Variants in SRPK1 observed in about 807,000 individuals in gnomAD.
The protein encoded by SRPK1 is SRSF protein kinase 1, also known as SFRS protein kinase 1.
A neutral mutation model predicts 89.5 loss-of-function variants in SRPK1; 52 were observed. The observed-to-expected ratio is 0.58, with a 90% CI of 0.46 to 0.73. The LOEUF (loss-of-function observed/expected upper bound fraction) is 0.73, where lower values mean the gene tolerates loss of function less well. SRPK1 is among the 30% of genes least tolerant of loss of function. The pLI, the probability that SRPK1 is intolerant of heterozygous loss-of-function variation, is 0.00. For synonymous variants in SRPK1, 255 were observed against 270.2 expected (o/e 0.94, Z 0.55); for missense variants, 603 against 780.6 (o/e 0.77, Z 2.71).
In SRPK1 at chr6:35,872,725, A is replaced by G; in HGVS notation, c.589T>C (p.Leu197=). Residue 197 remains leucine (L), a synonymous_variant, in exon 8 of 16, where the codon TTA becomes CTA. Coordinates refer to ENST00000373825, the MANE Select transcript of SRPK1 (RefSeq NM_003137.5). ...GTATGTAAATAATCAAGACCCTGTA[A>G]CACCTGAATGGAAATAGAGTGGCAG... ...PCVKKIIQQV[L]QGLDYLHTKC... 6.2e-7 allele frequency: 1 copy of G among 1,601,492 alleles called. No individual in the cohort carries two copies. Among genetic ancestry groups the G allele is most frequent in the South Asian group, 1.1e-5 (1 of 87,516 alleles).
At chr6:35,864,701 A>G (rs1213120599) in intron 12 of SRPK1, among the ~76,000 whole-genome samples, 1 of 152,204 alleles carries the variant, frequency 6.6e-6, no homozygotes, top group Non-Finnish European at 1.5e-5. Flanking sequence ...ATATAATCAA[A>G]CGAAAGGAAA....
chr6:35,918,379 T>C (rs1771159405), intron 2 of SRPK1, among the ~76,000 whole-genome samples: 1 of 151,952 alleles, frequency 6.6e-6, no homozygotes, highest in Non-Finnish European at 1.5e-5. Flanking sequence ...CACACGCCTG[T>C]AGTCCCAGCT....
chr6:35,856,740 G>A (rs1769674699), intron 13 of SRPK1, among the ~76,000 whole-genome samples: 1 of 152,178 alleles, frequency 6.6e-6, no homozygotes, highest in Non-Finnish European at 1.5e-5. Flanking sequence ...CCAACATGAG[G>A]ATATTAGTAG....
At chr6:35,885,763 T>A (rs773828545) in intron 6 of SRPK1, among the ~76,000 whole-genome samples, 10 of 152,226 alleles carry the variant, frequency 6.6e-5, no homozygotes, top group Non-Finnish European at 1.5e-4. Flanking sequence ...CTGATTGACC[T>A]TTATAAGCAC....
At chr6:35,893,471 C>A (rs994922282) in intron 2 of SRPK1, among the ~76,000 whole-genome samples, 1 of 140,918 alleles carries the variant, frequency 7.1e-6, no homozygotes, top group Non-Finnish European at 1.5e-5. Context: ...GGCGACAGAG[C>A]AAGACCTTGT....
chr6:35,881,014 T>C (rs905925085), intron 6 of SRPK1, among the ~76,000 whole-genome samples: 2 of 151,910 alleles, frequency 1.3e-5, no homozygotes, highest in Non-Finnish European at 2.9e-5. Flanking sequence ...ATCAAAAATT[T>C]TTGGAGGCCA....
intron 2 of SRPK1, among the ~76,000 whole-genome samples, chr6:35,905,285 C>T (rs1770828091): frequency 6.6e-6 from 1 of 152,140 alleles, no homozygotes; most frequent in Non-Finnish European, 1.5e-5. Flanking sequence ...GTAACAGGAG[C>T]TAAGAAACCT....
At chr6:35,843,695 C>T (rs1478337347) in intron 13 of SRPK1, among the ~76,000 whole-genome samples, 2 of 151,146 alleles carry the variant, frequency 1.3e-5, no homozygotes, top group African/African-American at 2.4e-5. Flanking sequence ...ATGATCCACC[C>T]GCCTCTGCCT....
At chr6:35,920,299 C>A in intron 2 of SRPK1, 169 bp downstream of exon 2, 1 of 728,284 alleles carries the variant, frequency 1.4e-6, no homozygotes, top group South Asian at 1.5e-5. Flanking sequence ...TGAGCAACAG[C>A]AGCTCTCTTC....
chr6:35,888,779 T>C lies in SRPK1; in HGVS notation c.302+36A>G, dbSNP rs1561987670. ...CTCAGACAAACACATTTAGACATCA[T>C]CTAACTAATTCTTTTACAGAACCAC... On this transcript the variant is annotated intron_variant, in intron 4 of 15. Coordinates refer to ENST00000373825, the MANE Select transcript of SRPK1 (RefSeq NM_003137.5). 3.1e-6 allele frequency: 4 copies of C among 1,309,744 alleles called. No homozygotes were observed. In the East Asian group the frequency reaches 6.9e-5, roughly 23 times the overall value. The allele number at this position is 1,309,744 out of a possible 1,614,324, so 81.1% of individuals were successfully genotyped here. A position where few individuals can be genotyped will look rare whatever the true frequency, so the allele number is the denominator to read the frequency against.
At chr6:35,840,913 C>T (rs985096615) in intron 14 of SRPK1, among the ~76,000 whole-genome samples, 1 of 152,098 alleles carries the variant, frequency 6.6e-6, no homozygotes, top group Non-Finnish European at 1.5e-5. Flanking sequence ...ATGGTTTTTC[C>T]TTGTCCCCTT....
chr6:35,890,809 G>A (rs997973229), intron 3 of SRPK1, 86 bp downstream of exon 3: 1 of 1,225,856 alleles, frequency 8.2e-7, no homozygotes, highest in Non-Finnish European at 1.1e-6. Context: ...CAATAAAACT[G>A]TGTTTATGCT....
chr6:35,870,496 T>C lies in SRPK1; in HGVS notation c.778-2A>G. The C allele has an allele frequency of 6.5e-7, 1 of 1,550,376 alleles. No individual in the cohort carries two copies. The highest frequency in any genetic ancestry group is 8.7e-7 in the Non-Finnish European group (1 of 1,146,910). On this transcript the variant is annotated splice_acceptor_variant, in intron 9 of 15. Coordinates refer to ENST00000373825, the MANE Select transcript of SRPK1 (RefSeq NM_003137.5). LOFTEE classifies it high-confidence loss of function. ...CTTATTCTTTGACATTTTGTCAGCC[T>C]GGGCGGAGATTACAAACAGATAAAG... is the stretch of plus-strand genomic sequence containing the variant.
At chr6:35,880,746 A>AAAAAAAAAAGAAAG (rs1770263877) in intron 6 of SRPK1, among the ~76,000 whole-genome samples, 4 of 89,218 alleles carry the variant, frequency 4.5e-5, no homozygotes, top group Non-Finnish European at 6.7e-5. Flanking sequence ...AAAAAAAAAA[A>AAAAAAAAAAGAAAG]AAAAGAAAAG....
At chr6:35,875,695 A>G (rs1770141059) in intron 6 of SRPK1, among the ~76,000 whole-genome samples, 1 of 152,226 alleles carries the variant, frequency 6.6e-6, no homozygotes, top group Admixed American at 6.5e-5. Context: ...TACAATCACT[A>G]TAGTATACTA....
At chr6:35,901,938 C>T (rs1770752482) in intron 2 of SRPK1, among the ~76,000 whole-genome samples, 1 of 152,066 alleles carries the variant, frequency 6.6e-6, no homozygotes, top group Admixed American at 6.6e-5. Flanking sequence ...AAATAAAAAT[C>T]TGAGTGCCTA....
intron 1 of SRPK1, 152 bp downstream of exon 1, chr6:35,920,892 G>A: frequency 2.6e-6 from 2 of 773,530 alleles, no homozygotes; most frequent in South Asian, 2.1e-5. Flanking sequence ...CCGCAGCCCA[G>A]AGGCAGGGGG....
intron 2 of SRPK1, among the ~76,000 whole-genome samples, chr6:35,898,473 A>G (rs1468259616): frequency 6.6e-6 from 1 of 152,236 alleles, no homozygotes; most frequent in Non-Finnish European, 1.5e-5. Context: ...ATTCACCACT[A>G]AAGAACTCAT....
intron 2 of SRPK1, among the ~76,000 whole-genome samples, chr6:35,916,089 T>C (rs138455359): frequency 0.011 from 1,540 of 137,738 alleles, 31 homozygotes; most frequent in African/African-American, 0.038. Flanking sequence ...CTGGACACAG[T>C]GGTATGTGCC....
Sources: allele counts gnomAD v4.1 joint callset (sites outside exome capture counted in the v4.1 genomes callset), GRCh38; gene constraint gnomAD v4.1.1; transcripts MANE v1.5; gene names NCBI Gene and HGNC (gene_info 2026-07-23, HGNC 2026-07-21).